The following TLN2 variants were observed in gnomAD, a reference collection of about 807,000 sequenced individuals.
TLN2 encodes talin-2.
TLN2 carries 118 observed loss-of-function variants against 294.7 expected under a neutral mutation model. The ratio of observed to expected loss-of-function variants is 0.40; its 90% CI spans 0.34 to 0.47. TLN2 has a LOEUF of 0.47. Among genes scored for constraint, TLN2 ranks in the 20% least tolerant of loss-of-function variants. The pLI, the probability that TLN2 is intolerant of heterozygous loss-of-function variation, is 0.84. For synonymous variants in TLN2, 1,431 were observed against 1,304.5 expected (o/e 1.10, Z -2.09); for missense variants, 3,083 against 3,282.2 (o/e 0.94, Z 1.48).
chr15:62,650,294 A>T lies in TLN2; in HGVS notation c.234+113A>T. The T allele has an allele frequency of 3.8e-6, 4 of 1,061,362 alleles. No individual in the cohort carries two copies. The South Asian group carries it at 6.0e-5, about 16-fold the overall frequency. 65.7% of individuals were successfully genotyped at this position (1,061,362 alleles called of 1,614,324 possible). On this transcript the variant is annotated intron_variant, in intron 5 of 58. Transcript: ENST00000636159. ...TCAAGGGCATCTTATTAATAGTTCG[A>T]TGCATTGTACTTTGTAAGGGCTGTT...
At chr15:62,621,367 G>A (rs1184507475) in intron 3 of TLN2, among the ~76,000 whole-genome samples, 2 of 152,140 alleles carry the variant, frequency 1.3e-5, no homozygotes, top group Non-Finnish European at 2.9e-5. Flanking sequence ...CACTATTAGG[G>A]TGAATAGAAG....
chr15:62,551,544 AC>A (rs1193203227), intron 1 of TLN2, among the ~76,000 whole-genome samples: 17 of 151,506 alleles, frequency 1.1e-4, no homozygotes, highest in African/African-American at 4.1e-4. Flanking sequence ...ACACACACAC[AC>A]ACAAATAGCC....
chr15:62,776,994 C>A, intron 43 of TLN2, 84 bp downstream of exon 43: 1 of 1,255,592 alleles, frequency 8.0e-7, no homozygotes, highest in African/African-American at 1.5e-5. Context: ...TGTCAAGGCT[C>A]ATAGCAACAA....
At chr15:62,523,978 G>T (rs1464256255) in intron 1 of TLN2, among the ~76,000 whole-genome samples, 1 of 152,260 alleles carries the variant, frequency 6.6e-6, no homozygotes, top group Non-Finnish European at 1.5e-5. Flanking sequence ...TCTGAGCAAA[G>T]CAAATTTATC....
chr15:62,730,466 C>G (rs1595815285), intron 28 of TLN2, among the ~76,000 whole-genome samples: 5 of 152,214 alleles, frequency 3.3e-5, no homozygotes, highest in African/African-American at 1.2e-4. Context: ...CCTTCTGCGT[C>G]TCCAGGAGCT....
At position 62,736,961 on chromosome 15, in the gene TLN2, G is replaced by T. The variant is rs2280279; in HGVS notation, c.3442G>T (p.Ala1148Ser). 812 of 1,614,166 alleles carry T rather than the reference G, an allele frequency of 5.0e-4. 9 individuals carry two copies. In the East Asian group the frequency reaches 0.016, roughly 32 times the overall value. Reference sequence around the variant, plus strand: ...AGTGGCTGCATCGACAACCGACCCCGCGGCCGCCCATGCCATGTTAGATTC... The same window carrying T: ...AGTGGCTGCATCGACAACCGACCCCTCGGCCGCCCATGCCATGTTAGATTC... Reference protein sequence around the residue: ...RGVAASTTDPAAAHAMLDSAR... With the variant: ...RGVAASTTDPSAAHAMLDSAR... Residue 1148 changes from alanine to serine, a missense_variant, in exon 29 of 59, where the codon GCG (alanine) becomes TCG (serine). Transcript: ENST00000636159.
At chr15:62,420,897 C>T (rs2140271332) in intron 1 of TLN2, among the ~76,000 whole-genome samples, 1 of 152,238 alleles carries the variant, frequency 6.6e-6, no homozygotes, top group East Asian at 1.9e-4. Flanking sequence ...GTAATCACTC[C>T]AGCACCTGGA....
At chr15:62,646,117 T>G (rs2051797253) in intron 3 of TLN2, among the ~76,000 whole-genome samples, 1 of 152,128 alleles carries the variant, frequency 6.6e-6, no homozygotes, top group African/African-American at 2.4e-5. Flanking sequence ...AGTTCAAACT[T>G]AACCTAAACC....
intron 1 of TLN2, among the ~76,000 whole-genome samples, chr15:62,485,810 T>A (rs2038358765): frequency 6.6e-6 from 1 of 152,168 alleles, no homozygotes; most frequent in Non-Finnish European, 1.5e-5. Flanking sequence ...TGGCTGAGTT[T>A]GGATGCGTGT....
At chr15:62,613,515 G>A (rs1287476879) in intron 2 of TLN2, among the ~76,000 whole-genome samples, 1 of 152,132 alleles carries the variant, frequency 6.6e-6, no homozygotes, top group Non-Finnish European at 1.5e-5. Flanking sequence ...AAACAGTACG[G>A]CAGTTTCTTC....
intron 28 of TLN2, among the ~76,000 whole-genome samples, chr15:62,729,352 A>G (rs1476737090): frequency 1.3e-5 from 2 of 152,216 alleles, no homozygotes; most frequent in African/African-American, 2.4e-5. Context: ...TAAATTCTAA[A>G]TCAGCTTGTC....
At chr15:62,450,904 G>T (rs1380994718) in intron 1 of TLN2, among the ~76,000 whole-genome samples, 2 of 150,778 alleles carry the variant, frequency 1.3e-5, no homozygotes. Context: ...CTCAAATGTT[G>T]TTTCTCCGTT....
chr15:62,542,861 A>G (rs755625038), intron 1 of TLN2, among the ~76,000 whole-genome samples: 1 of 152,098 alleles, frequency 6.6e-6, no homozygotes, highest in Non-Finnish European at 1.5e-5. Context: ...TAGAAGAGCC[A>G]GCAACTTTGA....
chr15:62,838,910 A>G lies in TLN2; in HGVS notation c.7429A>G (p.Lys2477Glu). The G allele has an allele frequency of 3.7e-6, 6 of 1,612,460 alleles. No individual in the cohort carries two copies. Among genetic ancestry groups the G allele is most frequent in the Non-Finnish European group, 4.2e-6 (5 of 1,180,028 alleles). ...ASDNLVRAAQ[K>E]AAFGKADDDD... ...AGACAATCTTGTCCGTGCAGCCCAG[A>G]AGGCAGCTTTTGGCAAAGCTGATGA... The change falls in exon 58 of 59, where the codon AAG becomes GAG. Residue 2477 changes from lysine (K) to glutamate (E), a missense_variant. Physicochemically the swap from Lys to Glu is moderately conservative, Grantham distance 56 (BLOSUM62 1). Transcript: ENST00000636159.
intron 42 of TLN2, among the ~76,000 whole-genome samples, chr15:62,775,995 G>T (rs977025212): frequency 1.3e-5 from 2 of 152,234 alleles, no homozygotes; most frequent in Non-Finnish European, 2.9e-5. Context: ...CACTTACCTA[G>T]TTAGCCAGCA....
intron 1 of TLN2, among the ~76,000 whole-genome samples, chr15:62,581,292 G>A (rs2044999281): frequency 6.6e-6 from 1 of 152,094 alleles, no homozygotes; most frequent in Non-Finnish European, 1.5e-5. Context: ...TAGTAATGTG[G>A]ATTTAATTTC....
intron 2 of TLN2, among the ~76,000 whole-genome samples, chr15:62,610,851 CTG>C: frequency 6.6e-6 from 1 of 152,342 alleles, no homozygotes; most frequent in African/African-American, 2.4e-5. Context: ...CTGTGTATCT[CTG>C]TATGTGCACA....
At chr15:62,405,209 A>T (rs923705265) in intron 1 of TLN2, among the ~76,000 whole-genome samples, 2 of 152,156 alleles carry the variant, frequency 1.3e-5, no homozygotes, top group African/African-American at 4.8e-5. Context: ...GGTACGCTTC[A>T]GAATCTCTAG....
At chr15:62,617,696 ACTG>A in intron 2 of TLN2, among the ~76,000 whole-genome samples, 1 of 152,304 alleles carries the variant, frequency 6.6e-6, no homozygotes, top group East Asian at 1.9e-4. Context: ...TGTCTGCTAC[ACTG>A]AATGGCTCTC....
Sources: allele counts gnomAD v4.1 joint callset (sites outside exome capture counted in the v4.1 genomes callset), GRCh38; gene constraint gnomAD v4.1.1; transcripts MANE v1.5; gene names NCBI Gene and HGNC (gene_info 2026-07-23, HGNC 2026-07-21).